COL6A6: variants seen among roughly 807,000 people sequenced by gnomAD.
COL6A6 encodes the protein collagen alpha-6(VI) chain.
In COL6A6, 183 loss-of-function variants were observed where a neutral mutation model predicts 208.6. That is an observed-to-expected ratio of 0.88 (90% CI 0.78 to 0.99). COL6A6 has a LOEUF of 0.99. Ranked by LOEUF, COL6A6 falls within the 50% of genes least tolerant of loss-of-function variation. COL6A6 has a pLI of 0.00. For missense variants in COL6A6, 2,816 were observed against 2,815.2 expected, an observed-to-expected ratio of 1.00 and a Z score of -0.01; for synonymous variants, 973 against 1,011.8, an observed-to-expected ratio of 0.96 and a Z score of 0.73.
At chr3:130,638,446 G>T (rs2065217775) in intron 28 of COL6A6, among the ~76,000 whole-genome samples, 1 of 152,142 alleles carries the variant, frequency 6.6e-6, no homozygotes. Flanking sequence ...CCTGATGGAG[G>T]TTCGTCTGTG....
chr3:130,558,219 G>A (rs1234544501), intron 1 of COL6A6, among the ~76,000 whole-genome samples: 1 of 152,132 alleles, frequency 6.6e-6, no homozygotes, highest in South Asian at 2.1e-4. Flanking sequence ...CATACAGATT[G>A]CAGGCACTTC....
At chr3:130,668,704 A>G (rs988156849) in intron 36 of COL6A6, among the ~76,000 whole-genome samples, 2 of 152,196 alleles carry the variant, frequency 1.3e-5, no homozygotes, top group Non-Finnish European at 2.9e-5. Flanking sequence ...GAGGAAGATA[A>G]AACAATTTTA....
At chr3:130,519,410 TA>T (rs1355285127) in intron 1 of COL6A6, among the ~76,000 whole-genome samples, 13 of 152,236 alleles carry the variant, frequency 8.5e-5, no homozygotes, top group African/African-American at 3.1e-4. Flanking sequence ...TTATGTGTTG[TA>T]ATCTAAGAAT....
chr3:130,615,404 G>T (rs2064487825), intron 23 of COL6A6, among the ~76,000 whole-genome samples: 1 of 152,144 alleles, frequency 6.6e-6, no homozygotes, highest in Non-Finnish European at 1.5e-5. Flanking sequence ...TGAGAAGAAT[G>T]AATATTCTGT....
intron 12 of COL6A6, among the ~76,000 whole-genome samples, 178 bp from the exon 13 acceptor site, chr3:130,590,863 G>T (rs554060830): frequency 6.6e-6 from 1 of 152,110 alleles, no homozygotes; most frequent in African/African-American, 2.4e-5. Flanking sequence ...CACCACACCC[G>T]GCCAAAATTC....
intron 36 of COL6A6, among the ~76,000 whole-genome samples, chr3:130,668,434 C>T (rs888917427): frequency 6.6e-6 from 1 of 152,082 alleles, no homozygotes; most frequent in Non-Finnish European, 1.5e-5. Context: ...GCCAAGATCA[C>T]ACCATTGCAC....
rs1176085772 is a variant in COL6A6, at chr3:130,574,477, G to A, written c.3499G>A (p.Val1167Ile). The change falls in exon 8 of 37, where the codon GTC (valine) becomes ATC (isoleucine). Residue 1167 changes from valine (V) to isoleucine (I), a missense_variant. By Grantham distance (29) the Val-to-Ile change is conservative. Coordinates refer to ENST00000358511, the MANE Select transcript of COL6A6 (RefSeq NM_001102608.3). ...TVHNFDELKK[V>I]NKRIVRNICT... ...GCACAACTTCGATGAACTGAAGAAG[G>A]TCAATAAAAGGATCGTTCGCAACAT... 6.2e-7 allele frequency: 1 copy of A among 1,614,032 alleles called. No homozygotes were observed.
chr3:130,598,330 ATATAT>A, intron 18 of COL6A6, 30 bp from the exon 19 acceptor site: 1 of 1,390,534 alleles, frequency 7.2e-7, no homozygotes, highest in Non-Finnish European at 1.0e-6. Flanking sequence ...AAATGTCCAA[ATATAT>A]TAATTTTTCT....
chr3:130,645,661 C>A (rs528141556), intron 32 of COL6A6, among the ~76,000 whole-genome samples: 1 of 152,130 alleles, frequency 6.6e-6, no homozygotes, highest in Non-Finnish European at 1.5e-5. Flanking sequence ...GATTAAGATG[C>A]AGAAGGCAGA....
At chr3:130,534,083 C>T (rs190842267) in intron 1 of COL6A6, among the ~76,000 whole-genome samples, 5 of 152,248 alleles carry the variant, frequency 3.3e-5, no homozygotes, top group East Asian at 1.9e-4. Context: ...TTTAATTTTA[C>T]GTGAAATTGC....
At chr3:130,562,952 T>C in intron 2 of COL6A6, 116 bp from the exon 3 acceptor site, 1 of 708,602 alleles carries the variant, frequency 1.4e-6, no homozygotes, top group South Asian at 2.3e-5. Context: ...TTCGGTTTAT[T>C]GGGAAGGTAT....
chr3:130,621,367 A>G (rs988336581), intron 23 of COL6A6, among the ~76,000 whole-genome samples: 1 of 152,188 alleles, frequency 6.6e-6, no homozygotes, highest in African/African-American at 2.4e-5. Context: ...TGTTTTAGTA[A>G]AGTTTCTTAA....
intron 18 of COL6A6, among the ~76,000 whole-genome samples, chr3:130,594,863 G>T (rs148716295): frequency 1.3e-5 from 2 of 152,304 alleles, no homozygotes; most frequent in African/African-American, 4.8e-5. Context: ...GAGAGCTTGT[G>T]CAGGGGAACT....
intron 1 of COL6A6, among the ~76,000 whole-genome samples, chr3:130,542,257 C>T (rs2062385196): frequency 1.3e-5 from 2 of 151,344 alleles, no homozygotes; most frequent in South Asian, 2.1e-4. Flanking sequence ...TTTTATTCAT[C>T]TTTTAATTTC....
chr3:130,570,124 G>C (rs2063125425), intron 6 of COL6A6, among the ~76,000 whole-genome samples: 1 of 152,196 alleles, frequency 6.6e-6, no homozygotes, highest in Non-Finnish European at 1.5e-5. Context: ...TGCTCCACAT[G>C]GATTAAGAAT....
intron 20 of COL6A6, among the ~76,000 whole-genome samples, chr3:130,604,990 T>C (rs976519603): frequency 3.3e-5 from 5 of 152,252 alleles, no homozygotes; most frequent in African/African-American, 1.2e-4. Context: ...TGCTAAATGT[T>C]GTGGGGACCT....
chr3:130,589,294 A>T, intron 12 of COL6A6, 112 bp downstream of exon 12: 1 of 664,024 alleles, frequency 1.5e-6, no homozygotes. Context: ...CCTCTTATAT[A>T]AGAGTTTATT....
chr3:130,579,207 C>T (rs76841826), intron 8 of COL6A6, among the ~76,000 whole-genome samples: 2,993 of 152,298 alleles, frequency 0.02, 105 homozygotes, highest in African/African-American at 0.068. Flanking sequence ...CTGCCATCAT[C>T]AGCTCCAATT....
intron 1 of COL6A6, among the ~76,000 whole-genome samples, chr3:130,558,731 A>G (rs917374996): frequency 1.3e-5 from 2 of 152,244 alleles, no homozygotes; most frequent in Admixed American, 1.3e-4. Flanking sequence ...AGCTCATAAT[A>G]TAAACAGAAA....
Sources: gnomAD v4.1 joint callset for allele counts (sites outside exome capture counted in the v4.1 genomes callset) on GRCh38, gnomAD v4.1.1 for gene constraint, MANE v1.5 for transcripts, NCBI Gene and HGNC (gene_info 2026-07-23, HGNC 2026-07-21) for gene names.